The following VRK2 variants were observed in gnomAD, a reference collection of about 807,000 sequenced individuals.
VRK2 encodes VRK serine/threonine kinase 2.
A neutral mutation model predicts 57.6 loss-of-function variants in VRK2; 60 were observed. The ratio of observed to expected loss-of-function variants is 1.04; its 90% CI spans 0.85 to 1.29. VRK2 has a LOEUF of 1.29. Among genes scored for constraint, VRK2 ranks in the 50% most tolerant of loss-of-function variants. VRK2 has a pLI of 0.00. For synonymous variants in VRK2, 231 were observed against 199.2 expected, an observed-to-expected ratio of 1.16 and a Z score of -1.35; for missense variants, 705 against 588.1, an observed-to-expected ratio of 1.20 and a Z score of -2.06.
intron 8 of VRK2, among the ~76,000 whole-genome samples, chr2:58,124,439 A>T (rs956225317): frequency 6.6e-5 from 10 of 152,240 alleles, no homozygotes; most frequent in Admixed American, 2.0e-4. Context: ...TTTCAAAATT[A>T]TATTCTTTGT....
At chr2:58,151,571 C>T (rs1425452973) in intron 12 of VRK2, among the ~76,000 whole-genome samples, 1 of 151,326 alleles carries the variant, frequency 6.6e-6, no homozygotes, top group African/African-American at 2.4e-5. Context: ...ACTATATTTG[C>T]TCCATTTCCA....
intron 2 of VRK2, among the ~76,000 whole-genome samples, chr2:58,074,276 A>C (rs997881109): frequency 3.3e-5 from 5 of 152,094 alleles, no homozygotes; most frequent in African/African-American, 1.2e-4. Context: ...TATTTAGATC[A>C]TTAACATTTA....
chr2:58,056,212 C>A, intron 2 of VRK2, among the ~76,000 whole-genome samples: 1 of 152,066 alleles, frequency 6.6e-6, no homozygotes, highest in East Asian at 1.9e-4. Context: ...TTCCTAATCG[C>A]CTTATAGCCG....
At chr2:58,065,880 T>C (rs1396221635) in intron 2 of VRK2, among the ~76,000 whole-genome samples, 1 of 152,104 alleles carries the variant, frequency 6.6e-6, no homozygotes, top group Non-Finnish European at 1.5e-5. Context: ...ATGTTCTTGG[T>C]TTTTAAATTT....
intron 1 of VRK2, among the ~76,000 whole-genome samples, chr2:57,915,759 C>T (rs566074383): frequency 3.0e-4 from 46 of 152,294 alleles, no homozygotes; most frequent in Non-Finnish European, 5.0e-4. Context: ...AGACCAGTAC[C>T]GGTTTGTGGC....
chr2:58,113,505 G>A (rs1381751385), intron 7 of VRK2, among the ~76,000 whole-genome samples: 1 of 152,226 alleles, frequency 6.6e-6, no homozygotes, highest in East Asian at 1.9e-4. Flanking sequence ...TTTCACCTGG[G>A]TGCAGGTGGG....
intron 1 of VRK2, among the ~76,000 whole-genome samples, chr2:57,912,820 C>T (rs558869872): frequency 3.5e-4 from 53 of 152,230 alleles, no homozygotes; most frequent in African/African-American, 1.1e-3. Context: ...ATTTGTATCC[C>T]GAGATTCATA....
chr2:58,049,119 T>C (rs1257381599), intron 2 of VRK2, 152 bp downstream of exon 2: 3 of 988,570 alleles, frequency 3.0e-6, no homozygotes, highest in African/African-American at 3.3e-5. Flanking sequence ...TAGAGTACAG[T>C]GTCTAGGTTC....
intron 3 of VRK2, chr2:58,041,071 G>A (rs1313298679): frequency 1.0e-6 from 1 of 984,238 alleles, no homozygotes; most frequent in Non-Finnish European, 1.2e-6. Context: ...GATGTTAACT[G>A]GGGGGGAAAA....
At chr2:58,020,477 T>A (rs1673721131) in intron 1 of VRK2, among the ~76,000 whole-genome samples, 1 of 152,242 alleles carries the variant, frequency 6.6e-6, no homozygotes, top group South Asian at 2.1e-4. Context: ...GTCACTGGGA[T>A]TACAGGTGCA....
Position 58,088,414 on chromosome 2 carries a change from A to G in VRK2, c.418A>G (p.Lys140Glu). Residue 140 changes from lysine (K) to glutamate (E), a missense_variant, in exon 6 of 13, where the codon AAG (lysine) becomes GAG (glutamate). Transcript: ENST00000340157. Reference sequence around the variant, plus strand: ...CTCAGGCCAGAATGGTACCTTTAAAAAGTCAACTGTCCTGCAATTAGGTAT... The same window carrying G: ...CTCAGGCCAGAATGGTACCTTTAAAGAGTCAACTGTCCTGCAATTAGGTAT... Reference protein sequence around the residue: ...KISGQNGTFKKSTVLQLGIRM... With the variant: ...KISGQNGTFKESTVLQLGIRM... The G allele has an allele frequency of 6.2e-7, 1 of 1,613,382 alleles. No homozygotes were observed. Among genetic ancestry groups the G allele is most frequent in the East Asian group, 2.2e-5 (1 of 44,812 alleles).
At chr2:58,043,443 G>C (rs1674542695), upstream of VRK2, among the ~76,000 whole-genome samples, 1 of 152,094 alleles carries the variant, frequency 6.6e-6, no homozygotes, top group Admixed American at 6.6e-5. Flanking sequence ...CAACGTTTCA[G>C]CTCCTTGCAG....
At chr2:57,913,011 C>T (rs1296955084) in intron 1 of VRK2, among the ~76,000 whole-genome samples, 1 of 152,172 alleles carries the variant, frequency 6.6e-6, no homozygotes, top group Non-Finnish European at 1.5e-5. Flanking sequence ...AGGAAGTGGG[C>T]CTCCTCAGAC....
Position 57,924,637 on chromosome 2 carries a change from C to T in VRK2, c.-439+16798C>T, listed in dbSNP as rs369993736. On this transcript the variant is annotated intron_variant, in intron 1 of 15. Coordinates refer to the VRK2 transcript ENST00000417641. ...TTAGGTTTTTTCAAATATAAGATCACATCATCTGCAAGTAAGGATAATCTG... is the reference window on the plus strand; with the variant it reads ...TTAGGTTTTTTCAAATATAAGATCATATCATCTGCAAGTAAGGATAATCTG... Among the ~76,000 whole-genome samples, 54 of 152,066 alleles carry T rather than the reference C, an allele frequency of 3.6e-4. 1 individual carries two copies. The South Asian group carries it at 0.01, about 29-fold the overall frequency.
chr2:57,985,876 A>G (rs528997181), intron 1 of VRK2, among the ~76,000 whole-genome samples: 2 of 152,288 alleles, frequency 1.3e-5, no homozygotes, highest in Non-Finnish European at 2.9e-5. Context: ...TATGAAAAAA[A>G]CCGTATCTTA....
chr2:58,081,884 G>A (rs1670930796), intron 2 of VRK2, among the ~76,000 whole-genome samples: 1 of 151,340 alleles, frequency 6.6e-6, no homozygotes, highest in Admixed American at 6.6e-5. Flanking sequence ...GTGTGTGTGT[G>A]TGTGTGTGTG....
At chr2:58,156,911 G>A (rs1362560188) in intron 12 of VRK2, among the ~76,000 whole-genome samples, 2 of 152,028 alleles carry the variant, frequency 1.3e-5, no homozygotes, top group Admixed American at 1.3e-4. Context: ...TAGTTTTATT[G>A]TATACTGAAC....
chr2:58,155,923 T>G (rs1683762488), intron 12 of VRK2, among the ~76,000 whole-genome samples: 1 of 82,630 alleles, frequency 1.2e-5, no homozygotes, highest in South Asian at 5.7e-4. Context: ...TCATGTTTGT[T>G]TTTTTTTTTT....
At position 58,159,482 on chromosome 2, in the gene VRK2, C is replaced by CAGAT. The variant is rs1267256014; in HGVS notation, c.1318_1321dup (p.Ile441ArgfsTer13). ...GAGCCTCATCAAGATTTTACCAGTCCAGATATATTCAAGAAGTCAAGATCT... is the reference window on the plus strand; with the variant it reads ...GAGCCTCATCAAGATTTTACCAGTCCAGATAGATATATTCAAGAAGTCAAGATCT... On this transcript the variant is annotated frameshift_variant, in exon 13 of 13. Transcript: ENST00000340157. LOFTEE classifies it low-confidence loss of function (END_TRUNC). The CAGAT allele has an allele frequency of 5.0e-6, 8 of 1,613,490 alleles. No individual in the cohort carries two copies. Among genetic ancestry groups the CAGAT allele is most frequent in the African/African-American group, 1.3e-5 (1 of 74,858 alleles).
Sources: allele counts gnomAD v4.1 joint callset (sites outside exome capture counted in the v4.1 genomes callset), GRCh38; gene constraint gnomAD v4.1.1; transcripts MANE v1.5; gene names NCBI Gene and HGNC (gene_info 2026-07-23, HGNC 2026-07-21).